Variants in SSPN observed in about 807,000 individuals in gnomAD.
SSPN encodes the protein K-ras oncogene-associated protein.
A neutral mutation model predicts 19.1 loss-of-function variants in SSPN; 15 were observed. That is an observed-to-expected ratio of 0.78 (90% CI 0.52 to 1.21). SSPN has a LOEUF of 1.21. Ranked by LOEUF, SSPN falls within the 50% of genes most tolerant of loss-of-function variation. The pLI is 0.00. For synonymous variants in SSPN, 147 were observed against 140.3 expected (o/e 1.05, Z -0.34); for missense variants, 291 against 314.0 (o/e 0.93, Z 0.55).
intron 1 of SSPN, among the ~76,000 whole-genome samples, chr12:26,149,112 A>G (rs1340359149): frequency 2.6e-5 from 4 of 152,242 alleles, no homozygotes; most frequent in African/African-American, 9.6e-5. Flanking sequence ...TGGTGAATAC[A>G]GAGCTTACTC....
At chr12:26,128,097 G>A (rs541100487) in intron 1 of SSPN, among the ~76,000 whole-genome samples, 3 of 152,346 alleles carry the variant, frequency 2.0e-5, no homozygotes, top group African/African-American at 7.2e-5. Context: ...TTTAAGCCCA[G>A]ACAGTGGGTT....
rs575275847 is a variant in SSPN, at chr12:26,123,520, C to T, written c.-31+1368C>T. 3 of 835,020 alleles carry T rather than the reference C, an allele frequency of 3.6e-6. No homozygotes were observed. The South Asian group carries it at 4.0e-5, about 11-fold the overall frequency. The allele number at this position is 835,020 out of a possible 1,614,324, so 51.7% of individuals were successfully genotyped here. ...AAGCAATTTAACAAATGAGAGGGAA[C>T]CCATGAGCCCACGGAAAGAGATGGG... On this transcript the variant is annotated intron_variant, in intron 1 of 2. Transcript: ENST00000538142.
At chr12:26,124,732 A>G (rs749776518) in intron 1 of SSPN, 7 of 1,614,066 alleles carry the variant, frequency 4.3e-6, no homozygotes, top group Non-Finnish European at 5.1e-6. Context: ...TAAAATCTCT[A>G]TGTTCCAGTA....
chr12:26,169,594 T>TA (rs71954046), intron 1 of SSPN, among the ~76,000 whole-genome samples: 3,363 of 60,710 alleles, frequency 0.055, 65 homozygotes, highest in Non-Finnish European at 0.058. Context: ...TATATATATA[T>TA]TTTTTTTTCT....
At chr12:26,161,350 G>A (rs73084743) in intron 1 of SSPN, among the ~76,000 whole-genome samples, 19,947 of 151,796 alleles carry the variant, frequency 0.13, 1,340 homozygotes, top group Middle Eastern at 0.19. Context: ...ACCTATGCCC[G>A]AGGGTCTTGG....
At chr12:26,186,641 A>T (rs1245936474) in intron 1 of SSPN, among the ~76,000 whole-genome samples, 1 of 152,164 alleles carries the variant, frequency 6.6e-6, no homozygotes, top group Admixed American at 6.5e-5. Context: ...TATTGTAGAG[A>T]TGAGGATGCC....
rs1330561799 is a variant in SSPN at position 26,232,468 on chromosome 12, T to C, written c.*1392T>C. The C allele has an allele frequency of 6.1e-6, 6 of 985,422 alleles. No individual in the cohort carries two copies. The highest frequency in any genetic ancestry group is 7.2e-6 in the Non-Finnish European group (6 of 829,912). The allele number at this position is 985,422 out of a possible 1,614,324, so 61.0% of individuals were successfully genotyped here. ...AACATAAATGGTATCAAGAACTTTA[T>C]CAGTATGCTTTGTTGAAAGCAGAAA... is the stretch of plus-strand genomic sequence containing the variant. On this transcript the variant is annotated 3_prime_UTR_variant, in exon 3 of 3. Coordinates refer to ENST00000242729, the MANE Select transcript of SSPN (RefSeq NM_005086.5).
chr12:26,213,570 G>T (rs146138661), intron 1 of SSPN, among the ~76,000 whole-genome samples: 1 of 151,294 alleles, frequency 6.6e-6, no homozygotes, highest in Admixed American at 6.6e-5. Flanking sequence ...CCTTTCTCGG[G>T]GGCATTCATA....
intron 1 of SSPN, among the ~76,000 whole-genome samples, chr12:26,198,697 T>C (rs548561247): frequency 6.6e-6 from 1 of 152,334 alleles, no homozygotes; most frequent in South Asian, 2.1e-4. Context: ...CGTCTCACCT[T>C]TCTCTGTTCT....
intron 1 of SSPN, among the ~76,000 whole-genome samples, chr12:26,176,422 G>A (rs372171250): frequency 2.0e-5 from 3 of 152,032 alleles, no homozygotes; most frequent in African/African-American, 7.2e-5. Context: ...CCTTAAAGCG[G>A]TATCAAAAGT....
intron 1 of SSPN, among the ~76,000 whole-genome samples, chr12:26,152,232 A>C (rs1944529963): frequency 6.6e-6 from 1 of 152,208 alleles, no homozygotes. Flanking sequence ...TGCTTGCAGG[A>C]AAGATATGCA....
At chr12:26,189,738 A>G (rs960612477) in intron 1 of SSPN, among the ~76,000 whole-genome samples, 4 of 152,100 alleles carry the variant, frequency 2.6e-5, no homozygotes, top group Non-Finnish European at 5.9e-5. Flanking sequence ...TCATTCTTAA[A>G]CTCATCAAAA....
At chr12:26,136,526 TC>T (rs1380643104) in intron 1 of SSPN, among the ~76,000 whole-genome samples, 4 of 152,160 alleles carry the variant, frequency 2.6e-5, no homozygotes, top group African/African-American at 9.7e-5. Flanking sequence ...AACACCCCCA[TC>T]CTAGTAGGTG....
chr12:26,128,935 A>G (rs940801829), intron 1 of SSPN, among the ~76,000 whole-genome samples: 1 of 152,172 alleles, frequency 6.6e-6, no homozygotes, highest in African/African-American at 2.4e-5. Flanking sequence ...CACTCATTAT[A>G]TTCACCCTGT....
chr12:26,220,976 C>T (rs1298741392), intron 1 of SSPN, among the ~76,000 whole-genome samples: 3 of 152,202 alleles, frequency 2.0e-5, no homozygotes, highest in Non-Finnish European at 4.4e-5. Context: ...GAATTGCTCC[C>T]ATCCAATCCA....
intron 1 of SSPN, among the ~76,000 whole-genome samples, chr12:26,197,389 T>C (rs1413299813): frequency 1.5e-4 from 23 of 152,240 alleles, no homozygotes; most frequent in Admixed American, 1.5e-3. Flanking sequence ...TAAAAATAGC[T>C]TTTCAGTAAG....
chr12:26,174,787 C>G (rs1183922186), intron 1 of SSPN, among the ~76,000 whole-genome samples: 1 of 152,180 alleles, frequency 6.6e-6, no homozygotes, highest in Non-Finnish European at 1.5e-5. Context: ...TCCCAAAGTG[C>G]TGGGATTACA....
intron 1 of SSPN, chr12:26,122,665 A>G: frequency 2.1e-6 from 3 of 1,421,260 alleles, no homozygotes; most frequent in Non-Finnish European, 2.8e-6. Context: ...CCGCCGCGGG[A>G]ATCCAGCTTC....
At chr12:26,124,316 C>T (rs1339059404) in intron 1 of SSPN, 1 of 671,520 alleles carries the variant, frequency 1.5e-6, no homozygotes, top group African/African-American at 2.0e-5. Context: ...AAACCTCTTT[C>T]CTCTGGACTG....
Sources: gnomAD v4.1 joint callset for allele counts (sites outside exome capture counted in the v4.1 genomes callset) on GRCh38, gnomAD v4.1.1 for gene constraint, MANE v1.5 for transcripts, NCBI Gene and HGNC (gene_info 2026-07-23, HGNC 2026-07-21) for gene names.